Variants in EIF3L observed in about 807,000 individuals in gnomAD.
EIF3L encodes the protein eIEF associated protein HSPC021.
EIF3L carries 32 observed loss-of-function variants against 74.6 expected under a neutral mutation model. The ratio of observed to expected loss-of-function variants is 0.43; its 90% CI spans 0.32 to 0.58. The LOEUF is 0.58. EIF3L is among the 20% of genes least tolerant of loss of function. The pLI is 0.06. For missense variants in EIF3L, 474 were observed against 707.8 expected, an observed-to-expected ratio of 0.67 and a Z score of 3.75; for synonymous variants, 256 against 254.4, an observed-to-expected ratio of 1.01 and a Z score of -0.06.
intron 5 of EIF3L, 69 bp from the exon 6 acceptor site, chr22:37,862,900 C>A: frequency 8.7e-7 from 1 of 1,149,082 alleles, no homozygotes; most frequent in Non-Finnish European, 1.3e-6. Context: ...ACAGCTGTCA[C>A]AGTATACCAT....
intron 2 of EIF3L, among the ~76,000 whole-genome samples, chr22:37,850,867 A>G (rs1925168390): frequency 6.6e-6 from 1 of 152,234 alleles, no homozygotes; most frequent in Admixed American, 6.5e-5. Flanking sequence ...GAGGTTTATT[A>G]GTAGTAACTT....
At chr22:37,881,907 C>T (rs1055966540) in intron 11 of EIF3L, 1 of 152,100 alleles carries the variant, frequency 6.6e-6, no homozygotes, top group African/African-American at 2.4e-5. Flanking sequence ...TGGCTTATAG[C>T]TATAATCCCA....
At chr22:37,860,862 C>T (rs547487693) in intron 5 of EIF3L, among the ~76,000 whole-genome samples, 2 of 152,310 alleles carry the variant, frequency 1.3e-5, no homozygotes, top group South Asian at 2.1e-4. Context: ...CAGGTCACTT[C>T]CAATCCTACC....
intron 2 of EIF3L, among the ~76,000 whole-genome samples, chr22:37,850,773 A>G (rs1005336268): frequency 1.3e-5 from 2 of 152,214 alleles, no homozygotes; most frequent in African/African-American, 2.4e-5. Flanking sequence ...CCATTGTTCT[A>G]AGTACTTTGT....
chr22:37,868,076 CT>C (rs1357492322), intron 7 of EIF3L, among the ~76,000 whole-genome samples: 2 of 146,628 alleles, frequency 1.4e-5, no homozygotes, highest in South Asian at 2.2e-4. Flanking sequence ...TATTTGATTG[CT>C]TTTTTAATTG....
At chr22:37,856,810 C>T (rs1211622965) in intron 4 of EIF3L, among the ~76,000 whole-genome samples, 1 of 150,860 alleles carries the variant, frequency 6.6e-6, no homozygotes, top group Non-Finnish European at 1.5e-5. Flanking sequence ...CGCCATTGCA[C>T]TCCAGCCTGG....
At chr22:37,884,901 C>CTTTTT (rs10605799) in intron 11 of EIF3L, 4 of 36,030 alleles carry the variant, frequency 1.1e-4, no homozygotes, top group African/African-American at 4.0e-4. Flanking sequence ...CATGTCAAGC[C>CTTTTT]TTTTTTTTTT....
intron 9 of EIF3L, 59 bp downstream of exon 9, chr22:37,874,583 C>A (rs1926646670): frequency 1.9e-6 from 3 of 1,552,554 alleles, no homozygotes; most frequent in African/African-American, 1.4e-5. Flanking sequence ...TTCTAGAGAA[C>A]CACTCTGATC....
rs532483656 is a variant in EIF3L, at chr22:37,863,958, A to G, written c.579+613A>G. Among the ~76,000 whole-genome samples, 19 of 152,152 alleles carry G rather than the reference A, an allele frequency of 1.2e-4. No individual in the cohort carries two copies. In the South Asian group the frequency reaches 2.5e-3, roughly 20 times the overall value. ...CAGGCGCCTGTAGTCCCAGCTACTC[A>G]GTAGGCTGAGGCAGGAGAATGGCGT... is the stretch of plus-strand genomic sequence containing the variant. On this transcript the variant is annotated intron_variant, in intron 7 of 12. Transcript: ENST00000652021.
At chr22:37,886,584 G>T in intron 11 of EIF3L, 181 bp from the exon 12 acceptor site, 2 of 393,658 alleles carry the variant, frequency 5.1e-6, no homozygotes. Flanking sequence ...AAAAAGAAAA[G>T]AAAAACTCTC....
chr22:37,875,933 C>T lies in EIF3L; in HGVS notation c.999C>T (p.Ile333=), dbSNP rs758819456. 3 of 1,614,096 alleles carry T rather than the reference C, an allele frequency of 1.9e-6. No homozygotes were observed. The highest frequency in any genetic ancestry group is 3.3e-5 in the Admixed American group (2 of 59,990). ...YLMMRRYQDA[I]RVFANILLYI... is the part of the protein sequence containing the mutation. ...TGATGCGTCGTTACCAGGATGCCAT[C>T]CGGGTCTTCGCCAACATCCTCCTCT... The change falls in exon 10 of 13, where the codon ATC becomes ATT. Residue 333 remains isoleucine (I), a synonymous_variant. Coordinates refer to ENST00000652021, the MANE Select transcript of EIF3L (RefSeq NM_016091.4).
rs1927345371 is a variant in EIF3L, at chr22:37,886,830, C to A, written c.1641C>A (p.Ile547=). ...RRYGDFFIRQ[I]HKFEELNRTL... Reference sequence around the variant, plus strand: ...ATGGGGATTTCTTCATCCGTCAGATCCACAAATTTGAGGAGGTGAGAGATC... The same window carrying A: ...ATGGGGATTTCTTCATCCGTCAGATACACAAATTTGAGGAGGTGAGAGATC... Residue 547 remains isoleucine (I), a synonymous_variant, in exon 12 of 13, where the codon ATC becomes ATA. Transcript: ENST00000652021. The A allele has an allele frequency of 6.2e-7, 1 of 1,610,456 alleles. No individual in the cohort carries two copies. Among genetic ancestry groups the A allele is most frequent in the Non-Finnish European group, 8.5e-7 (1 of 1,177,632 alleles).
chr22:37,872,889 G>C (rs1051554233), intron 8 of EIF3L, among the ~76,000 whole-genome samples: 2 of 151,992 alleles, frequency 1.3e-5, no homozygotes, highest in Non-Finnish European at 2.9e-5. Flanking sequence ...CCCAACCTTT[G>C]AACTGTTTTA....
intron 7 of EIF3L, among the ~76,000 whole-genome samples, chr22:37,867,828 G>A (rs1365850815): frequency 4.6e-5 from 7 of 151,228 alleles, no homozygotes; most frequent in South Asian, 4.2e-4. Flanking sequence ...GGTGGTGGGC[G>A]CCTGTAGTCC....
Position 37,863,044 on chromosome 22 carries a change from T to C in EIF3L, c.505+6T>C. On this transcript the variant is annotated splice_donor_region_variant and intron_variant, in intron 6 of 12. Transcript: ENST00000652021. ...TCTCTTCAACTACATTCTTAGTGAG[T>C]CTGAGATTTGGCCAAGAGGGTGTGT... 1 of 1,612,378 alleles carries C rather than the reference T, an allele frequency of 6.2e-7. No homozygotes were observed. The highest frequency in any genetic ancestry group is 2.2e-5 in the East Asian group (1 of 44,834).
chr22:37,877,375 C>G, intron 10 of EIF3L: 1 of 322,552 alleles, frequency 3.1e-6, no homozygotes, highest in Non-Finnish European at 5.7e-6. Flanking sequence ...TTTTGGGTAA[C>G]TCGATCCTAA....
intron 3 of EIF3L, among the ~76,000 whole-genome samples, chr22:37,851,927 C>T (rs1184747192): frequency 1.3e-5 from 2 of 152,142 alleles, no homozygotes; most frequent in Non-Finnish European, 2.9e-5. Flanking sequence ...CTCAGCCTCC[C>T]AAAGCACTGG....
intron 8 of EIF3L, among the ~76,000 whole-genome samples, chr22:37,870,658 C>A (rs1468202126): frequency 6.6e-6 from 1 of 152,002 alleles, no homozygotes; most frequent in Non-Finnish European, 1.5e-5. Flanking sequence ...GCCACTTTAC[C>A]CTGTTAAAAT....
At chr22:37,859,401 AGAGT>A (rs1246328786) in intron 5 of EIF3L, among the ~76,000 whole-genome samples, 17 of 48,094 alleles carry the variant, frequency 3.5e-4, no homozygotes, top group Middle Eastern at 0.013. Flanking sequence ...TTTTTGAGAG[AGAGT>A]GAGTCTCGCT....
Sources: allele counts gnomAD v4.1 joint callset (sites outside exome capture counted in the v4.1 genomes callset), GRCh38; gene constraint gnomAD v4.1.1; transcripts MANE v1.5; gene names NCBI Gene and HGNC (gene_info 2026-07-23, HGNC 2026-07-21).